The following PKD1L1 variants were observed in gnomAD, a reference collection of about 807,000 sequenced individuals.
PKD1L1 encodes polycystin-1-like protein 1.
PKD1L1 carries 236 observed loss-of-function variants against 323.4 expected under a neutral mutation model. The observed-to-expected ratio is 0.73, with a 90% CI of 0.66 to 0.81. The LOEUF is 0.81. PKD1L1 is among the 40% of genes least tolerant of loss of function. The pLI is 0.00. For missense variants in PKD1L1, 3,320 were observed against 3,508.0 expected (o/e 0.95, Z 1.35); for synonymous variants, 1,344 against 1,335.0 (o/e 1.01, Z -0.15).
chr7:47,937,199 C>A (rs546697394), intron 3 of PKD1L1, among the ~76,000 whole-genome samples: 17 of 131,680 alleles, frequency 1.3e-4, no homozygotes, highest in Non-Finnish European at 2.5e-4. Flanking sequence ...TGCTGGGGGT[C>A]GTGCTGCGGA....
intron 31 of PKD1L1, among the ~76,000 whole-genome samples, chr7:47,851,153 C>T (rs1051433838): frequency 1.3e-5 from 2 of 152,130 alleles, no homozygotes; most frequent in South Asian, 2.1e-4. Context: ...AAATGTGATG[C>T]GCAGTTCTTG....
At chr7:47,911,078 T>C (rs888717423) in intron 8 of PKD1L1, among the ~76,000 whole-genome samples, 2 of 152,184 alleles carry the variant, frequency 1.3e-5, no homozygotes, top group African/African-American at 2.4e-5. Flanking sequence ...CGAATTGTAA[T>C]ACCCAAAGTT....
chr7:47,891,931 T>A (rs1455627449), intron 15 of PKD1L1, among the ~76,000 whole-genome samples: 1 of 152,176 alleles, frequency 6.6e-6, no homozygotes, highest in Non-Finnish European at 1.5e-5. Context: ...GCCTTTTGCC[T>A]CCTCTCAACT....
chr7:47,786,187 A>C (rs1786803162), intron 56 of PKD1L1, among the ~76,000 whole-genome samples: 1 of 152,200 alleles, frequency 6.6e-6, no homozygotes, highest in Admixed American at 6.5e-5. Flanking sequence ...TAACTACAAA[A>C]ACTTCTAGAT....
intron 45 of PKD1L1, among the ~76,000 whole-genome samples, chr7:47,826,741 A>C (rs1432937606): frequency 6.6e-6 from 1 of 152,202 alleles, no homozygotes; most frequent in Non-Finnish European, 1.5e-5. Flanking sequence ...GGTACCACTG[A>C]GAGAAATGTG....
intron 53 of PKD1L1, among the ~76,000 whole-genome samples, chr7:47,802,599 C>T (rs1166120155): frequency 6.6e-6 from 1 of 152,200 alleles, no homozygotes; most frequent in Non-Finnish European, 1.5e-5. Flanking sequence ...TTCCCTCAGC[C>T]CTGATTGCAA....
chr7:47,937,488 A>G (rs560196756), intron 3 of PKD1L1, among the ~76,000 whole-genome samples: 2 of 152,190 alleles, frequency 1.3e-5, no homozygotes, highest in South Asian at 4.2e-4. Flanking sequence ...GTGGGGTCAG[A>G]CTCAGGAAGT....
At chr7:47,952,452 T>A (rs1345621028), upstream of PKD1L1, among the ~76,000 whole-genome samples, 2 of 152,182 alleles carry the variant, frequency 1.3e-5, no homozygotes, top group Non-Finnish European at 2.9e-5. Context: ...CTCCGCCCCA[T>A]GGGCTGGAGC....
intron 3 of PKD1L1, among the ~76,000 whole-genome samples, chr7:47,937,919 G>A (rs1185140088): frequency 6.6e-6 from 1 of 152,086 alleles, no homozygotes; most frequent in Non-Finnish European, 1.5e-5. Flanking sequence ...TCTCAATCCT[G>A]GTGGCACCAG....
At chr7:47,856,954 T>C (rs899565499) in intron 28 of PKD1L1, among the ~76,000 whole-genome samples, 3 of 152,290 alleles carry the variant, frequency 2.0e-5, no homozygotes, top group Admixed American at 6.5e-5. Context: ...CCAAACTCAC[T>C]CATGGTGACC....
At chr7:47,924,412 A>G (rs1464541881) in intron 7 of PKD1L1, among the ~76,000 whole-genome samples, 1 of 152,196 alleles carries the variant, frequency 6.6e-6, no homozygotes, top group Admixed American at 6.5e-5. Context: ...AATCCAAAAA[A>G]TATCTCAAAA....
At chr7:47,876,024 T>C in intron 23 of PKD1L1, 73 bp downstream of exon 23, 6 of 1,535,956 alleles carry the variant, frequency 3.9e-6, no homozygotes, top group Non-Finnish European at 5.3e-6. Flanking sequence ...AGTTTAGTTT[T>C]TGAAAACCAG....
At chr7:47,775,873 T>C (rs1170978608) in intron 56 of PKD1L1, among the ~76,000 whole-genome samples, 2 of 147,162 alleles carry the variant, frequency 1.4e-5, no homozygotes, top group Non-Finnish European at 3.0e-5. Context: ...CTTGAGAAGA[T>C]CAATTAAATT....
Position 47,821,083 on chromosome 7 carries a change from A to T in PKD1L1, c.6958T>A (p.Phe2320Ile). 1 of 1,582,476 alleles carries T rather than the reference A, an allele frequency of 6.3e-7. No individual in the cohort carries two copies. The highest frequency in any genetic ancestry group is 1.3e-5 in the African/African-American group (1 of 74,232). ...GTTACCCAAACCTCCTACCTTGTAA[A>T]TTCTTTCCGGATAGCTTGATTGAGG... ...YSLNQAIRKEFTRNARNCLGG... is the reference protein window; with the variant it reads ...YSLNQAIRKEITRNARNCLGG... The change falls in exon 46 of 57, where the codon TTT (phenylalanine) becomes ATT (isoleucine). Residue 2320 changes from phenylalanine to isoleucine, a missense_variant. Coordinates refer to ENST00000289672, the MANE Select transcript of PKD1L1 (RefSeq NM_138295.5).
intron 1 of PKD1L1, among the ~76,000 whole-genome samples, chr7:47,944,399 C>T (rs947946480): frequency 4.6e-5 from 7 of 152,184 alleles, no homozygotes; most frequent in East Asian, 1.9e-4. Context: ...GCTGCAGAAC[C>T]GTGAGCCAAT....
intron 7 of PKD1L1, among the ~76,000 whole-genome samples, chr7:47,920,302 A>AC (rs1554412808): frequency 1.1e-4 from 16 of 151,358 alleles, no homozygotes; most frequent in African/African-American, 3.6e-4. Context: ...CAAAAACAAA[A>AC]AAAAAAAACC....
At chr7:47,791,386 C>T (rs780134095) in intron 56 of PKD1L1, among the ~76,000 whole-genome samples, 17 of 151,752 alleles carry the variant, frequency 1.1e-4, no homozygotes, top group Non-Finnish European at 2.4e-4. Context: ...CTTTCCTCAA[C>T]TCTGTTAATT....
At chr7:47,829,988 T>C in intron 43 of PKD1L1, 52 bp downstream of exon 43, 3 of 1,525,096 alleles carry the variant, frequency 2.0e-6, no homozygotes, top group Non-Finnish European at 2.7e-6. Flanking sequence ...CCCCTTCCCA[T>C]CTAGGTCCCC....
rs1020717600 is a variant in PKD1L1 at position 47,904,489 on chromosome 7, C to A, written c.1820G>T (p.Ser607Ile). Residue 607 changes from serine (S) to isoleucine (I), a missense_variant, in exon 12 of 57, where the codon AGT (serine) becomes ATT (isoleucine). Physicochemically the swap from Ser to Ile is moderately radical, Grantham distance 142. Coordinates refer to ENST00000289672, the MANE Select transcript of PKD1L1 (RefSeq NM_138295.5). The part of the protein sequence containing the change: ...TSPSSALVNA[S>I]VAFECWINFG... ...GTTGATCCAGCACTCAAAGGCCACA[C>A]TGGCATTTACCAGAGCTGAGGAGGG... 2 of 1,614,192 alleles carry A rather than the reference C, an allele frequency of 1.2e-6. No homozygotes were observed. The highest frequency in any genetic ancestry group is 2.2e-5 in the East Asian group (1 of 44,890).
Sources: gnomAD v4.1 joint callset for allele counts (sites outside exome capture counted in the v4.1 genomes callset) on GRCh38, gnomAD v4.1.1 for gene constraint, MANE v1.5 for transcripts, NCBI Gene and HGNC (gene_info 2026-07-23, HGNC 2026-07-21) for gene names.